The following PDE11A variants were observed in gnomAD, a reference collection of about 807,000 sequenced individuals.
The protein encoded by PDE11A is phosphodiesterase 11A.
Under a neutral mutation model 100.5 loss-of-function variants are expected in PDE11A, and 100 were observed. The ratio of observed to expected loss-of-function variants is 1.00; its 90% confidence interval spans 0.85 to 1.18. The LOEUF is 1.18. Ranked by LOEUF, PDE11A falls within the 50% of genes most tolerant of loss-of-function variation. PDE11A has a pLI of 0.00. For missense variants in PDE11A, 1,141 were observed against 1,152.6 expected (o/e 0.99, Z 0.15); for synonymous variants, 381 against 420.8 (o/e 0.91, Z 1.16).
chr2:177,874,567 A>G (rs1001606454), intron 5 of PDE11A, among the ~76,000 whole-genome samples: 1 of 152,232 alleles, frequency 6.6e-6, no homozygotes, highest in Non-Finnish European at 1.5e-5. Flanking sequence ...ATTGCTTGCA[A>G]TCTTCACTTC....
chr2:177,987,752 T>G (rs1466233473), intron 2 of PDE11A, among the ~76,000 whole-genome samples: 1 of 152,214 alleles, frequency 6.6e-6, no homozygotes, highest in South Asian at 2.1e-4. Flanking sequence ...CATTTCTCAG[T>G]TGTGTTTTAA....
At chr2:178,093,834 T>A (rs894125709) in intron 2 of PDE11A, among the ~76,000 whole-genome samples, 1 of 152,118 alleles carries the variant, frequency 6.6e-6, no homozygotes, top group African/African-American at 2.4e-5. Flanking sequence ...GAAGAAAACA[T>A]AAATATGTCC....
intron 9 of PDE11A, among the ~76,000 whole-genome samples, chr2:177,802,025 C>G (rs145967617): frequency 1.3e-4 from 20 of 151,964 alleles, no homozygotes; most frequent in African/African-American, 4.1e-4. Flanking sequence ...AATAAAAAGA[C>G]AAGCAATCCT....
At chr2:177,969,189 G>T (rs909363628) in intron 2 of PDE11A, among the ~76,000 whole-genome samples, 28 of 152,096 alleles carry the variant, frequency 1.8e-4, no homozygotes, top group Non-Finnish European at 3.4e-4. Context: ...AACACCACAT[G>T]TTCTCATTCA....
chr2:177,895,397 A>C (rs2084595042), intron 4 of PDE11A, among the ~76,000 whole-genome samples: 1 of 151,940 alleles, frequency 6.6e-6, no homozygotes, highest in Non-Finnish European at 1.5e-5. Context: ...TACTAAAAAT[A>C]ACAAAAATTA....
intron 2 of PDE11A, among the ~76,000 whole-genome samples, chr2:177,957,088 CA>C (rs199859889): frequency 2.0e-5 from 3 of 148,586 alleles, no homozygotes; most frequent in African/African-American, 7.4e-5. Flanking sequence ...AGCAAAAAAA[CA>C]AAAAAAAACA....
At chr2:177,770,802 A>G (rs2082301152) in intron 9 of PDE11A, among the ~76,000 whole-genome samples, 1 of 152,196 alleles carries the variant, frequency 6.6e-6, no homozygotes, top group African/African-American at 2.4e-5. Context: ...TGTATGTTAT[A>G]TGTTTTATGC....
At chr2:177,934,823 T>G (rs916090765) in intron 2 of PDE11A, among the ~76,000 whole-genome samples, 2 of 152,336 alleles carry the variant, frequency 1.3e-5, no homozygotes, top group East Asian at 3.9e-4. Context: ...GGTGAGGGCA[T>G]GTCCTTTGCA....
chr2:177,706,930 A>G (rs181831601), intron 13 of PDE11A, among the ~76,000 whole-genome samples: 2,509 of 152,000 alleles, frequency 0.017, 63 homozygotes, highest in African/African-American at 0.057. Flanking sequence ...TGTAAAACAT[A>G]GCTAGTAAGG....
chr2:178,014,298 T>A lies in PDE11A; in HGVS notation c.1071+4A>T. ...TACAACTCACAAAAGGCATGAAATC[T>A]TACTTTTTCATCATCTTCAGTAAAT... On this transcript the variant is annotated splice_donor_region_variant and intron_variant, in intron 2 of 19. Coordinates refer to ENST00000286063, the MANE Select transcript of PDE11A (RefSeq NM_016953.4). The A allele has an allele frequency of 1.2e-6, 2 of 1,606,136 alleles. No individual in the cohort carries two copies. The highest frequency in any genetic ancestry group is 8.5e-7 in the Non-Finnish European group (1 of 1,172,822).
At chr2:177,961,331 T>A (rs1382277563) in intron 2 of PDE11A, among the ~76,000 whole-genome samples, 1 of 152,082 alleles carries the variant, frequency 6.6e-6, no homozygotes, top group Non-Finnish European at 1.5e-5. Context: ...CAGTCTCAAG[T>A]CTTCATGGAG....
chr2:178,105,222 G>T (rs13005772), intron 1 of PDE11A, among the ~76,000 whole-genome samples: 55,953 of 152,040 alleles, frequency 0.37, 12,432 homozygotes, highest in East Asian at 0.59. Flanking sequence ...AGCACTTTGG[G>T]AGGCCAAGGC....
chr2:177,944,828 C>CTCTCCCTCTCCG (rs1182211734), intron 2 of PDE11A, among the ~76,000 whole-genome samples: 2,909 of 129,904 alleles, frequency 0.022, 134 homozygotes, highest in Non-Finnish European at 0.028. Flanking sequence ...CTCCCTCTCC[C>CTCTCCCTCTCCG]TCTCCCTCTC....
In PDE11A at chr2:177,927,625, T is replaced by A. The variant is rs546158292; in HGVS notation, c.1072-22438A>T. Among the ~76,000 whole-genome samples the A allele has an allele frequency of 1.7e-3, 252 of 152,316 alleles. 2 individuals carry two copies. The highest frequency in any genetic ancestry group is 1.5e-3 in the Non-Finnish European group (103 of 68,016). On this transcript the variant is annotated intron_variant, in intron 2 of 19. Transcript: ENST00000286063. ...AAACCTTTGCTGACAATATATCAAATCATTGGTAAAATGGGACAATAAAAT... is the reference window on the plus strand; with the variant it reads ...AAACCTTTGCTGACAATATATCAAAACATTGGTAAAATGGGACAATAAAAT...
At chr2:177,878,767 CT>C (rs1411267054) in intron 4 of PDE11A, among the ~76,000 whole-genome samples, 4 of 152,204 alleles carry the variant, frequency 2.6e-5, no homozygotes, top group African/African-American at 9.7e-5. Flanking sequence ...CCACTTCTCA[CT>C]GCTTTAATAA....
chr2:177,806,916 G>A (rs1012120353), intron 9 of PDE11A, among the ~76,000 whole-genome samples: 1 of 152,066 alleles, frequency 6.6e-6, no homozygotes, highest in Admixed American at 6.6e-5. Context: ...CAGAGTGCCA[G>A]AGAACTGTGG....
chr2:178,094,149 AAATACACAC>A (rs745696103), intron 2 of PDE11A, among the ~76,000 whole-genome samples: 119 of 152,254 alleles, frequency 7.8e-4, no homozygotes, highest in South Asian at 2.5e-3. Flanking sequence ...AAAGTACTGA[AAATACACAC>A]AATACACACA....
At chr2:178,097,107 T>G (rs1489491745) in intron 2 of PDE11A, among the ~76,000 whole-genome samples, 2 of 151,986 alleles carry the variant, frequency 1.3e-5, no homozygotes, top group African/African-American at 2.4e-5. Context: ...AGGATGGTCT[T>G]GATCTCCTGA....
In PDE11A at chr2:177,669,589, A is replaced by C. The variant is rs2080645675; in HGVS notation, c.2488-22T>G. ...CCACCTGAAACATATAAATATTTTA[A>C]TCTGTGATTATGTGTAGTTTATCAC... On this transcript the variant is annotated intron_variant, in intron 17 of 19. Coordinates refer to ENST00000286063, the MANE Select transcript of PDE11A (RefSeq NM_016953.4). 3 of 1,078,560 alleles carry C rather than the reference A, an allele frequency of 2.8e-6. No homozygotes were observed. In the East Asian group the frequency reaches 7.1e-5, roughly 25 times the overall value. 66.8% of individuals were successfully genotyped at this position (1,078,560 alleles called of 1,614,324 possible). A position where few individuals can be genotyped will look rare whatever the true frequency, so the allele number is the denominator to read the frequency against.
Sources: gnomAD v4.1 joint callset for allele counts (sites outside exome capture counted in the v4.1 genomes callset) on GRCh38, gnomAD v4.1.1 for gene constraint, MANE v1.5 for transcripts, NCBI Gene and HGNC (gene_info 2026-07-23, HGNC 2026-07-21) for gene names.